Variants in FOXN3 observed in about 807,000 individuals in gnomAD.
FOXN3 encodes the protein forkhead box N3.
Under a neutral mutation model 38.4 loss-of-function variants are expected in FOXN3, and 7 were observed. That is an observed-to-expected ratio of 0.18 (90% CI 0.10 to 0.34). The LOEUF is 0.34. FOXN3 is among the 10% of genes least tolerant of loss of function. FOXN3 has a pLI of 1.00. For missense variants in FOXN3, 456 were observed against 613.4 expected, an observed-to-expected ratio of 0.74 and a Z score of 2.71; for synonymous variants, 230 against 242.2, an observed-to-expected ratio of 0.95 and a Z score of 0.47.
Position 89,164,495 on chromosome 14 carries a change from G to A in FOXN3, c.852-1526C>T, listed in dbSNP as rs1887189094. On this transcript the variant is annotated intron_variant, in intron 5 of 5. Coordinates refer to ENST00000557258, the MANE Select transcript of FOXN3 (RefSeq NM_005197.4). The surrounding 1 kb of genome is among the most constrained non-coding windows in gnomAD (Gnocchi z 4.3). ...TACTCTTACATCCCCTCCATAGAGG[G>A]CACTCCCCACCATCATTATGAACTG... 6.6e-6 allele frequency among the ~76,000 whole-genome samples: 1 copy of A among 152,128 alleles called. No homozygotes were observed. Among genetic ancestry groups the A allele is most frequent in the African/African-American group, 2.4e-5 (1 of 41,428 alleles).
chr14:89,579,614 C>T (rs942589283), intron 1 of FOXN3, among the ~76,000 whole-genome samples: 1 of 152,114 alleles, frequency 6.6e-6, no homozygotes, highest in African/African-American at 2.4e-5. Flanking sequence ...CATTCCACAA[C>T]TCACCAACCT....
At chr14:89,246,526 T>G (rs905132193) in intron 4 of FOXN3, among the ~76,000 whole-genome samples, 1 of 143,824 alleles carries the variant, frequency 7.0e-6, no homozygotes, top group Non-Finnish European at 1.5e-5. Flanking sequence ...TTTCTCATCT[T>G]ATTTGCAGGA....
chr14:89,515,596 C>T (rs1022250093), intron 1 of FOXN3, among the ~76,000 whole-genome samples: 15 of 151,926 alleles, frequency 9.9e-5, no homozygotes, highest in Admixed American at 7.9e-4. Context: ...ATTAGCTGGG[C>T]GTGGTAGCAG....
intron 4 of FOXN3, among the ~76,000 whole-genome samples, chr14:89,265,439 T>C (rs1885944052): frequency 6.6e-6 from 1 of 151,480 alleles, no homozygotes; most frequent in Admixed American, 6.6e-5. Flanking sequence ...CTGGAAAAGG[T>C]CTGAGAATCA....
intron 1 of FOXN3, among the ~76,000 whole-genome samples, chr14:89,413,817 G>A: frequency 6.9e-6 from 1 of 144,340 alleles, no homozygotes; most frequent in Non-Finnish European, 1.5e-5. Flanking sequence ...GGAAAGAGAA[G>A]GGAAAAGGAA....
At chr14:89,192,690 CTA>C (rs936611790) in intron 4 of FOXN3, among the ~76,000 whole-genome samples, 2 of 141,554 alleles carry the variant, frequency 1.4e-5, no homozygotes, top group Non-Finnish European at 1.5e-5. Context: ...ATATACACTA[CTA>C]TATATAATGG....
At chr14:89,223,676 G>T (rs1008510344) in intron 4 of FOXN3, among the ~76,000 whole-genome samples, 2 of 152,218 alleles carry the variant, frequency 1.3e-5, no homozygotes, top group Non-Finnish European at 2.9e-5. Context: ...TGAGAGGTGG[G>T]CCGGGTGCGG....
At chr14:89,615,255 G>A (rs1002493316) in intron 1 of FOXN3, among the ~76,000 whole-genome samples, 31 of 149,816 alleles carry the variant, frequency 2.1e-4, no homozygotes, top group African/African-American at 6.6e-4. Context: ...ATCCAAAATC[G>A]ACACTGGCAT....
At chr14:89,613,991 G>A (rs1017422098) in intron 1 of FOXN3, among the ~76,000 whole-genome samples, 1 of 152,172 alleles carries the variant, frequency 6.6e-6, no homozygotes, top group Non-Finnish European at 1.5e-5. Context: ...CCTCAATACT[G>A]ACAGCTTCTG....
intron 3 of FOXN3, among the ~76,000 whole-genome samples, chr14:89,305,116 A>G (rs1368320708): frequency 6.6e-6 from 1 of 152,080 alleles, no homozygotes; most frequent in Non-Finnish European, 1.5e-5. Context: ...AGGGGACGAG[A>G]GGAAGGCCTG....
At chr14:89,196,201 T>C (rs939827909) in intron 4 of FOXN3, among the ~76,000 whole-genome samples, 19 of 152,210 alleles carry the variant, frequency 1.2e-4, no homozygotes, top group African/African-American at 4.6e-4. Flanking sequence ...CACACACAGT[T>C]ATATTATGCT....
intron 1 of FOXN3, among the ~76,000 whole-genome samples, chr14:89,488,794 C>T (rs1320651493): frequency 6.6e-6 from 1 of 152,150 alleles, no homozygotes; most frequent in Admixed American, 6.5e-5. Context: ...AAGTCACAGT[C>T]ACCTCGGGCC....
At chr14:89,198,152 T>C (rs990735928) in intron 4 of FOXN3, among the ~76,000 whole-genome samples, 1 of 152,218 alleles carries the variant, frequency 6.6e-6, no homozygotes, top group Non-Finnish European at 1.5e-5. Flanking sequence ...ATGTATACTA[T>C]GTAGTGAGAT....
intron 2 of FOXN3, chr14:89,401,439 A>G: frequency 8.1e-6 from 3 of 368,336 alleles, no homozygotes; most frequent in Non-Finnish European, 1.6e-5. Flanking sequence ...CAGCAACAAC[A>G]ACAACAGTAG....
intron 3 of FOXN3, among the ~76,000 whole-genome samples, chr14:89,289,498 A>T (rs1452613735): frequency 6.6e-6 from 1 of 152,240 alleles, no homozygotes; most frequent in Non-Finnish European, 1.5e-5. Flanking sequence ...TAGCAAAAGC[A>T]CTGTTTCCTC....
intron 1 of FOXN3, among the ~76,000 whole-genome samples, chr14:89,492,388 G>A (rs960224033): frequency 6.6e-6 from 1 of 151,630 alleles, no homozygotes; most frequent in Admixed American, 6.6e-5. Flanking sequence ...GAAGTTGGGG[G>A]TACAAGTGGG....
chr14:89,260,180 C>T (rs1215680935), intron 4 of FOXN3, among the ~76,000 whole-genome samples: 4 of 152,260 alleles, frequency 2.6e-5, no homozygotes, highest in African/African-American at 7.2e-5. Flanking sequence ...TCACCCTGCA[C>T]AGTCGGTGCT....
chr14:89,492,236 G>T (rs552381172), intron 1 of FOXN3, among the ~76,000 whole-genome samples: 111 of 152,242 alleles, frequency 7.3e-4, no homozygotes, highest in Non-Finnish European at 1.5e-3. Flanking sequence ...CCTCAGCCTG[G>T]GGGGGCCAAG....
intron 1 of FOXN3, among the ~76,000 whole-genome samples, chr14:89,545,663 T>C (rs1269797820): frequency 6.6e-6 from 1 of 152,216 alleles, no homozygotes; most frequent in African/African-American, 2.4e-5. Context: ...TAAATTATTA[T>C]TGCTCCCTAA....
Sources: gnomAD v4.1 joint callset for allele counts (sites outside exome capture counted in the v4.1 genomes callset) on GRCh38, gnomAD v4.1.1 for gene constraint, Gnocchi (gnomAD v3.1) non-coding constraint, MANE v1.5 for transcripts, NCBI Gene and HGNC (gene_info 2026-07-23, HGNC 2026-07-21) for gene names.